Variants in ADAMTS19 observed in about 807,000 individuals in gnomAD.
ADAMTS19 encodes A disintegrin and metalloproteinase with thrombospondin motifs 19.
ADAMTS19 carries 93 observed loss-of-function variants against 153.3 expected under a neutral mutation model. The ratio of observed to expected loss-of-function variants is 0.61; its 90% confidence interval spans 0.51 to 0.72. The LOEUF is 0.72. ADAMTS19 is among the 30% of genes least tolerant of loss of function. The pLI, the probability that ADAMTS19 is intolerant of heterozygous loss-of-function variation, is 0.00. For synonymous variants in ADAMTS19, 600 were observed against 556.6 expected (o/e 1.08, Z -1.10); for missense variants, 1,482 against 1,552.1 (o/e 0.95, Z 0.76).
intron 13 of ADAMTS19, 27 bp downstream of exon 13, chr5:129,648,997 T>C: frequency 6.5e-7 from 1 of 1,532,364 alleles, no homozygotes. Context: ...CACCACCATC[T>C]TTGTTAACTA....
At chr5:129,575,884 T>C (rs748198510) in intron 7 of ADAMTS19, among the ~76,000 whole-genome samples, 8 of 152,102 alleles carry the variant, frequency 5.3e-5, no homozygotes, top group Admixed American at 2.6e-4. Context: ...GTTTATCTTC[T>C]AAAGCCATCC....
chr5:129,511,137 T>G (rs919202207), intron 3 of ADAMTS19, among the ~76,000 whole-genome samples: 2 of 151,914 alleles, frequency 1.3e-5, no homozygotes, highest in Non-Finnish European at 2.9e-5. Context: ...AATAACATGG[T>G]CCAAATTTTG....
chr5:129,686,763 G>T (rs17680717), intron 18 of ADAMTS19, among the ~76,000 whole-genome samples: 12,191 of 152,134 alleles, frequency 0.08, 608 homozygotes, highest in Middle Eastern at 0.14. Context: ...GCAACATCAG[G>T]GGCAGAGGAA....
At chr5:129,502,869 G>T (rs115639138) in intron 2 of ADAMTS19, among the ~76,000 whole-genome samples, 1 of 152,140 alleles carries the variant, frequency 6.6e-6, no homozygotes, top group Non-Finnish European at 1.5e-5. Flanking sequence ...GGTCTAATCA[G>T]AAAGACATGA....
chr5:129,524,202 A>T (rs1439272376), intron 3 of ADAMTS19, among the ~76,000 whole-genome samples: 1 of 152,182 alleles, frequency 6.6e-6, no homozygotes, highest in Non-Finnish European at 1.5e-5. Context: ...AAAAACAAGC[A>T]GTGGTGAAAG....
intron 6 of ADAMTS19, among the ~76,000 whole-genome samples, chr5:129,538,291 G>T (rs1357920709): frequency 6.6e-6 from 1 of 152,046 alleles, no homozygotes; most frequent in Non-Finnish European, 1.5e-5. Flanking sequence ...TTCATCAGTG[G>T]TATTTCTTAT....
chr5:129,634,996 G>A (rs746601611), intron 10 of ADAMTS19, among the ~76,000 whole-genome samples: 6 of 151,842 alleles, frequency 4.0e-5, no homozygotes, highest in Non-Finnish European at 7.4e-5. Context: ...AGCCTACAGA[G>A]TGGGAGAAAA....
chr5:129,466,884 T>A (rs1423507828), intron 2 of ADAMTS19, among the ~76,000 whole-genome samples: 1 of 152,190 alleles, frequency 6.6e-6, no homozygotes, highest in Non-Finnish European at 1.5e-5. Flanking sequence ...AACACAGGTT[T>A]CCATATTTGG....
Position 129,575,947 on chromosome 5 carries a change from G to C in ADAMTS19, c.1373-20612G>C, listed in dbSNP as rs1398508274. The stretch of plus-strand genomic sequence containing the variant: ...AGGGATAAGATGTGAATGTGAAGTA[G>C]GATAAATCTGGAACAGGAGCACAAA... On this transcript the variant is annotated intron_variant, in intron 7 of 22. Coordinates refer to ENST00000274487, the MANE Select transcript of ADAMTS19 (RefSeq NM_133638.6). 4.0e-5 allele frequency among the ~76,000 whole-genome samples: 6 copies of C among 151,884 alleles called. No individual in the cohort carries two copies. In the East Asian group the frequency reaches 7.7e-4, roughly 20 times the overall value.
chr5:129,665,860 G>A (rs1754027428), intron 16 of ADAMTS19, among the ~76,000 whole-genome samples: 1 of 140,446 alleles, frequency 7.1e-6, no homozygotes, highest in South Asian at 2.2e-4. Context: ...CTCATTGAAT[G>A]ATTTGGGTAT....
intron 8 of ADAMTS19, among the ~76,000 whole-genome samples, chr5:129,601,043 T>G (rs1750626361): frequency 6.6e-6 from 1 of 152,086 alleles, no homozygotes; most frequent in Non-Finnish European, 1.5e-5. Context: ...GCTAAATTTT[T>G]TTTGTTTTTA....
intron 6 of ADAMTS19, among the ~76,000 whole-genome samples, chr5:129,539,906 GA>G (rs755393152): frequency 2.4e-4 from 37 of 151,876 alleles, no homozygotes; most frequent in Non-Finnish European, 4.4e-4. Context: ...CCATAATAGT[GA>G]AAAATCACCC....
intron 16 of ADAMTS19, among the ~76,000 whole-genome samples, chr5:129,676,160 C>A (rs1411379926): frequency 6.6e-6 from 1 of 152,088 alleles, no homozygotes; most frequent in East Asian, 1.9e-4. Flanking sequence ...CTGACTTTTT[C>A]CCATACCTAG....
chr5:129,693,969 T>C (rs1027742231), intron 18 of ADAMTS19, among the ~76,000 whole-genome samples: 5 of 152,182 alleles, frequency 3.3e-5, no homozygotes, highest in Non-Finnish European at 7.4e-5. Flanking sequence ...TTTCCATAAC[T>C]TATTATAAAG....
intron 2 of ADAMTS19, among the ~76,000 whole-genome samples, chr5:129,470,742 T>C (rs1323880523): frequency 6.6e-6 from 1 of 152,190 alleles, no homozygotes; most frequent in Admixed American, 6.5e-5. Flanking sequence ...TGCAATAAAT[T>C]ATTAACTCTT....
At chr5:129,591,331 T>C (rs1459959120) in intron 7 of ADAMTS19, among the ~76,000 whole-genome samples, 3 of 151,888 alleles carry the variant, frequency 2.0e-5, no homozygotes, top group Non-Finnish European at 2.9e-5. Context: ...CTTGCTCTAT[T>C]GCCCAGGCTG....
chr5:129,684,182 T>A lies in ADAMTS19; in HGVS notation c.2727T>A (p.Pro909=), dbSNP rs1754959581. 1.2e-6 allele frequency: 2 copies of A among 1,614,146 alleles called. No individual in the cohort carries two copies. Among genetic ancestry groups the A allele is most frequent in the Non-Finnish European group, 1.7e-6 (2 of 1,180,022 alleles). The change falls in exon 18 of 23, where the codon CCT becomes CCA. Residue 909 remains proline (P), a synonymous_variant. Coordinates refer to ENST00000274487, the MANE Select transcript of ADAMTS19 (RefSeq NM_133638.6). The part of the protein sequence containing the change: ...LHYEYTIPSD[P]LPENQSSKAP... ...ATGAATACACTATCCCATCAGACCCTCTTCCAGAAAACCAGAGCTCTAAAG... is the reference window on the plus strand; with the variant it reads ...ATGAATACACTATCCCATCAGACCCACTTCCAGAAAACCAGAGCTCTAAAG...
intron 8 of ADAMTS19, among the ~76,000 whole-genome samples, chr5:129,602,090 AATTTT>A (rs1179849733): frequency 2.0e-5 from 3 of 152,144 alleles, no homozygotes; most frequent in Non-Finnish European, 4.4e-5. Flanking sequence ...AAAATTACAC[AATTTT>A]ATTTTATTTT....
chr5:129,511,589 C>T lies in ADAMTS19; in HGVS notation c.913+2347C>T, dbSNP rs745921947. ...CAAACTGGTAACTCAGCAATTACAC[C>T]ATAGTGTGATAAGAACTACAATAGA... On this transcript the variant is annotated intron_variant, in intron 3 of 22. Transcript: ENST00000274487. Among the ~76,000 whole-genome samples the T allele has an allele frequency of 7.3e-5, 11 of 151,214 alleles. No homozygotes were observed. The East Asian group carries it at 1.4e-3, about 19-fold the overall frequency.
Sources: gnomAD v4.1 joint callset for allele counts (sites outside exome capture counted in the v4.1 genomes callset) on GRCh38, gnomAD v4.1.1 for gene constraint, MANE v1.5 for transcripts, NCBI Gene and HGNC (gene_info 2026-07-23, HGNC 2026-07-21) for gene names.